Variants in TMEM74 observed in about 807,000 individuals in gnomAD.
The protein encoded by TMEM74 is transmembrane protein 74.
TMEM74 carries 13 observed loss-of-function variants against 18.1 expected under a neutral mutation model. That is an observed-to-expected ratio of 0.72 (90% CI 0.47 to 1.14). The LOEUF is 1.14. TMEM74 is among the 50% of genes most tolerant of loss of function. The pLI is 0.00. For missense variants in TMEM74, 372 were observed against 375.9 expected (o/e 0.99, Z 0.09); for synonymous variants, 159 against 146.6 (o/e 1.08, Z -0.61).
chr8:108,643,954 C>T (rs1812691101), intron 2 of TMEM74, among the ~76,000 whole-genome samples: 1 of 152,010 alleles, frequency 6.6e-6, no homozygotes, highest in Non-Finnish European at 1.5e-5. Context: ...CAATGCTATT[C>T]CTATCAAACT....
chr8:108,758,716 A>G (rs1301278408), intron 1 of TMEM74, among the ~76,000 whole-genome samples: 1 of 152,118 alleles, frequency 6.6e-6, no homozygotes, highest in East Asian at 1.9e-4. Context: ...CCAAAGAAGA[A>G]CAAAATGTTC....
Position 108,781,547 on chromosome 8 carries a change from C to T in TMEM74, c.*2634G>A, listed in dbSNP as rs1371794827. On this transcript the variant is annotated 3_prime_UTR_variant, in exon 2 of 2. Coordinates refer to ENST00000297459, the MANE Select transcript of TMEM74 (RefSeq NM_153015.3). Reference sequence around the variant, plus strand: ...GGCAAGTATCTGAATAATGTCACCACAGCCCAAAAGAAGTCATTCAGATGA... The same window carrying T: ...GGCAAGTATCTGAATAATGTCACCATAGCCCAAAAGAAGTCATTCAGATGA... Among the ~76,000 whole-genome samples, 5 of 152,176 alleles carry T rather than the reference C, an allele frequency of 3.3e-5. No individual in the cohort carries two copies. The highest frequency in any genetic ancestry group is 7.2e-5 in the African/African-American group (3 of 41,444).
intron 1 of TMEM74, among the ~76,000 whole-genome samples, chr8:108,757,585 G>A (rs192321917): frequency 5.7e-4 from 87 of 151,916 alleles, no homozygotes; most frequent in African/African-American, 1.8e-3. Context: ...CAATTTACAT[G>A]TTTGCTGATA....
intron 1 of TMEM74, among the ~76,000 whole-genome samples, chr8:108,751,095 G>A (rs1813900279): frequency 6.6e-6 from 1 of 152,052 alleles, no homozygotes; most frequent in African/African-American, 2.4e-5. Context: ...ATGGACTTTA[G>A]AGTCTAGCAA....
intron 1 of TMEM74, among the ~76,000 whole-genome samples, chr8:108,657,069 G>C (rs934020634): frequency 1.3e-5 from 2 of 151,856 alleles, no homozygotes; most frequent in Non-Finnish European, 2.9e-5. Context: ...TTCACTTTTT[G>C]GTATGAAAAT....
intron 2 of TMEM74, among the ~76,000 whole-genome samples, chr8:108,626,382 C>T (rs1812493608): frequency 6.6e-6 from 1 of 151,904 alleles, no homozygotes; most frequent in South Asian, 2.1e-4. Context: ...ATTTTGTTGG[C>T]TTACATATGT....
rs140708752 is a variant in TMEM74, at chr8:108,779,126, C to G, written c.*5055G>C. Among the ~76,000 whole-genome samples the G allele has an allele frequency of 2.6e-3, 393 of 152,256 alleles. 1 individual carries two copies. The highest frequency in any genetic ancestry group is 8.6e-3 in the African/African-American group (359 of 41,558). ...TTTTATTTTAAAATGATATGACACA[C>G]TTGCTATTAACATATAAGGCATCAA... On this transcript the variant is annotated 3_prime_UTR_variant, in exon 2 of 2. Coordinates refer to ENST00000297459, the MANE Select transcript of TMEM74 (RefSeq NM_153015.3).
Position 108,760,973 on chromosome 8 carries a change from A to G in TMEM74, n.119+26503T>C, listed in dbSNP as rs529492345. On this transcript the variant is annotated intron_variant and non_coding_transcript_variant, in intron 1 of 3. Coordinates refer to the TMEM74 transcript ENST00000518838. ...CGGGGTTCTTTTTAAGTGGTTTTGG[A>G]GTGTGTGTGTGTGTGTGTGTGTGTT... 2.0e-5 allele frequency among the ~76,000 whole-genome samples: 3 copies of G among 148,982 alleles called. No homozygotes were observed. In the East Asian group the frequency reaches 6.0e-4, roughly 30 times the overall value.
chr8:108,635,020 CCA>C (rs1812592765), intron 2 of TMEM74, among the ~76,000 whole-genome samples: 1 of 151,920 alleles, frequency 6.6e-6, no homozygotes, highest in African/African-American at 2.4e-5. Flanking sequence ...ATATTCACCT[CCA>C]GTCCCGATTC....
At chr8:108,752,537 T>C (rs775159672) in intron 1 of TMEM74, among the ~76,000 whole-genome samples, 17 of 152,170 alleles carry the variant, frequency 1.1e-4, no homozygotes, top group Non-Finnish European at 1.9e-4. Context: ...ATGTATGATC[T>C]AACAAGTTAA....
chr8:108,763,179 G>A (rs1176185100), intron 1 of TMEM74, among the ~76,000 whole-genome samples: 1 of 151,714 alleles, frequency 6.6e-6, no homozygotes, highest in African/African-American at 2.4e-5. Context: ...CCATTGATAA[G>A]TTCAGGAAAC....
intron 2 of TMEM74, among the ~76,000 whole-genome samples, chr8:108,625,606 A>C (rs1812485778): frequency 6.6e-6 from 1 of 152,054 alleles, no homozygotes; most frequent in Non-Finnish European, 1.5e-5. Context: ...TTAAGGTTTA[A>C]AGATAAGGTA....
chr8:108,660,027 C>T (rs1812884599), intron 1 of TMEM74, among the ~76,000 whole-genome samples: 1 of 152,184 alleles, frequency 6.6e-6, no homozygotes, highest in Admixed American at 6.5e-5. Flanking sequence ...TCCACCTAAC[C>T]CCGCTTCCTC....
intron 1 of TMEM74, among the ~76,000 whole-genome samples, chr8:108,764,923 A>G (rs1168262593): frequency 6.6e-6 from 1 of 152,206 alleles, no homozygotes; most frequent in Non-Finnish European, 1.5e-5. Context: ...CAGAAAATCC[A>G]TAAGAACTCA....
intron 1 of TMEM74, among the ~76,000 whole-genome samples, chr8:108,658,473 GA>G (rs1428050493): frequency 6.6e-6 from 1 of 152,088 alleles, no homozygotes. Context: ...GGTCTCTAAA[GA>G]GAAAACTGGG....
chr8:108,751,252 T>C (rs1469957588), intron 1 of TMEM74, among the ~76,000 whole-genome samples: 1 of 152,124 alleles, frequency 6.6e-6, no homozygotes, highest in Non-Finnish European at 1.5e-5. Flanking sequence ...TTGGGCTCCA[T>C]GATAAGCTTC....
intron 1 of TMEM74, among the ~76,000 whole-genome samples, chr8:108,746,129 C>A (rs1813846400): frequency 6.6e-6 from 1 of 152,086 alleles, no homozygotes; most frequent in African/African-American, 2.4e-5. Context: ...GCTCGTCCTG[C>A]TTCAACTCCA....
intron 1 of TMEM74, among the ~76,000 whole-genome samples, chr8:108,673,896 T>C (rs1237639527): frequency 6.6e-6 from 1 of 152,226 alleles, no homozygotes; most frequent in African/African-American, 2.4e-5. Context: ...TTGTTAATAC[T>C]TTGATTTAAG....
chr8:108,748,321 T>C (rs1245710966), intron 1 of TMEM74, among the ~76,000 whole-genome samples: 2 of 152,170 alleles, frequency 1.3e-5, no homozygotes, highest in Non-Finnish European at 2.9e-5. Context: ...GTCAGTGATG[T>C]TGAGCTTTAT....
Sources: allele counts gnomAD v4.1 joint callset (sites outside exome capture counted in the v4.1 genomes callset), GRCh38; gene constraint gnomAD v4.1.1; transcripts MANE v1.5; gene names NCBI Gene and HGNC (gene_info 2026-07-23, HGNC 2026-07-21).